The following IRAK1BP1 variants were observed in gnomAD, a reference collection of about 807,000 sequenced individuals.
The protein encoded by IRAK1BP1 is interleukin 1 receptor associated kinase 1 binding protein 1.
In IRAK1BP1, 24 loss-of-function variants were observed where a neutral mutation model predicts 28.0. The ratio of observed to expected loss-of-function variants is 0.86; its 90% CI spans 0.62 to 1.20. IRAK1BP1 has a LOEUF of 1.20. Ranked by LOEUF, IRAK1BP1 falls within the 50% of genes most tolerant of loss-of-function variation. The pLI is 0.00. For synonymous variants in IRAK1BP1, 131 were observed against 116.3 expected (o/e 1.13, Z -0.81); for missense variants, 336 against 316.7 (o/e 1.06, Z -0.46).
chr6:78,951,320 C>T (rs1273748645), downstream of IRAK1BP1, among the ~76,000 whole-genome samples: 1 of 152,120 alleles, frequency 6.6e-6, no homozygotes, highest in African/African-American at 2.4e-5. Flanking sequence ...CTGCTCAATA[C>T]AATTCTGTTG....
intron 1 of IRAK1BP1, among the ~76,000 whole-genome samples, chr6:78,868,321 T>TC (rs1770664107): frequency 6.7e-6 from 1 of 149,470 alleles, no homozygotes; most frequent in African/African-American, 2.6e-5. Flanking sequence ...ACGACCTGCT[T>TC]CCTTCCGATC....
downstream of IRAK1BP1, among the ~76,000 whole-genome samples, chr6:78,903,328 C>CAAAAAAAA (rs199955033): frequency 2.2e-5 from 3 of 136,368 alleles, no homozygotes; most frequent in South Asian, 7.0e-4. Flanking sequence ...ACTAAAAATA[C>CAAAAAAAA]AAAAAAAAAA....
Position 78,897,256 on chromosome 6 carries a change from T to TAAA in IRAK1BP1, c.382-553_382-551dup, listed in dbSNP as rs749859007. 4.9e-3 allele frequency among the ~76,000 whole-genome samples: 541 copies of TAAA among 110,968 alleles called. 7 individuals are homozygous for TAAA. The highest frequency in any genetic ancestry group is 0.018 in the African/African-American group (518 of 28,694). The allele number at this position is 110,968 out of a possible 152,430, so 72.8% of individuals were successfully genotyped here. A position where few individuals can be genotyped will look rare whatever the true frequency, so the allele number is the denominator to read the frequency against. ...CAACGTAGCAAGATCTTGTCTCTCT[T>TAAA]AAAAAAAAAAAAAAAAAAAAAAGAC... On this transcript the variant is annotated intron_variant, in intron 2 of 3. Coordinates refer to ENST00000369940, the MANE Select transcript of IRAK1BP1 (RefSeq NM_001010844.4).
chr6:78,884,343 T>A (rs1771336738), intron 1 of IRAK1BP1, among the ~76,000 whole-genome samples: 1 of 152,030 alleles, frequency 6.6e-6, no homozygotes, highest in Non-Finnish European at 1.5e-5. Flanking sequence ...ACAAAAAAAA[T>A]TACATAAAAT....
intron 2 of IRAK1BP1, among the ~76,000 whole-genome samples, chr6:78,893,678 G>A (rs1771767047): frequency 6.6e-6 from 1 of 152,048 alleles, no homozygotes; most frequent in African/African-American, 2.4e-5. Context: ...GGCCGAGGTG[G>A]GTGGATCACC....
At chr6:78,903,229 T>C, downstream of IRAK1BP1, 1 of 537,270 alleles carries the variant, frequency 1.9e-6, no homozygotes, top group Non-Finnish European at 3.2e-6. Context: ...ACATGTGTAA[T>C]CCCAACACTT....
chr6:78,903,136 G>GA (rs1772163909), downstream of IRAK1BP1: 4 of 1,184,770 alleles, frequency 3.4e-6, no homozygotes, highest in African/African-American at 1.5e-5. Flanking sequence ...ATAAGAGTGA[G>GA]AAAAAGAAGA....
At chr6:78,938,706 T>C (rs1361057567) in intron 4 of IRAK1BP1, 1 of 151,638 alleles carries the variant, frequency 6.6e-6, no homozygotes, top group Non-Finnish European at 1.5e-5. Context: ...AAAAAATAAA[T>C]ATACAAAAAA....
chr6:78,917,279 A>G (rs558286847), intron 4 of IRAK1BP1, among the ~76,000 whole-genome samples: 3 of 151,458 alleles, frequency 2.0e-5, no homozygotes, highest in Non-Finnish European at 4.4e-5. Flanking sequence ...TCAAAATACA[A>G]TGGAAAGCTT....
At chr6:78,940,924 C>G (rs993526839) in intron 4 of IRAK1BP1, 27 of 1,613,822 alleles carry the variant, frequency 1.7e-5, no homozygotes, top group African/African-American at 2.7e-5. Flanking sequence ...GATCATCTAT[C>G]TTTTTTCGGT....
At chr6:78,909,532 G>T (rs1391844468) in intron 4 of IRAK1BP1, among the ~76,000 whole-genome samples, 1 of 152,168 alleles carries the variant, frequency 6.6e-6, no homozygotes, top group Non-Finnish European at 1.5e-5. Context: ...ATTCCAAGCC[G>T]AAAAGCTGGG....
intron 2 of IRAK1BP1, among the ~76,000 whole-genome samples, chr6:78,892,873 GA>G (rs1771713898): frequency 6.6e-6 from 1 of 151,984 alleles, no homozygotes; most frequent in Non-Finnish European, 1.5e-5. Flanking sequence ...TATCCATAAT[GA>G]AACACAGAAA....
chr6:78,952,466 C>A, the IRAK1BP1 span, among the ~76,000 whole-genome samples: 1 of 148,746 alleles, frequency 6.7e-6, no homozygotes, highest in Non-Finnish European at 1.5e-5. Flanking sequence ...AAAAAAAATT[C>A]TTGGCCATTA....
chr6:78,953,464 T>C, the IRAK1BP1 span, among the ~76,000 whole-genome samples: 1 of 152,192 alleles, frequency 6.6e-6, no homozygotes, highest in African/African-American at 2.4e-5. Flanking sequence ...AAAGAATACA[T>C]AGCTGAGCTT....
At chr6:78,935,075 A>C (rs1773219633) in intron 4 of IRAK1BP1, among the ~76,000 whole-genome samples, 1 of 152,122 alleles carries the variant, frequency 6.6e-6, no homozygotes, top group South Asian at 2.1e-4. Flanking sequence ...TGGGTCATAA[A>C]ATTGGTATTA....
chr6:78,890,796 A>T (rs1771624946), intron 2 of IRAK1BP1, among the ~76,000 whole-genome samples: 1 of 152,200 alleles, frequency 6.6e-6, no homozygotes, highest in South Asian at 2.1e-4. Context: ...AAAAACAATG[A>T]AGGAGACGGT....
At chr6:78,884,638 T>C (rs936821775) in intron 1 of IRAK1BP1, among the ~76,000 whole-genome samples, 1 of 152,146 alleles carries the variant, frequency 6.6e-6, no homozygotes, top group East Asian at 1.9e-4. Flanking sequence ...ATCTGCACAA[T>C]GATGCTATAT....
the IRAK1BP1 span, among the ~76,000 whole-genome samples, chr6:78,951,695 T>C: frequency 3.9e-5 from 6 of 152,236 alleles, no homozygotes; most frequent in African/African-American, 1.4e-4. Flanking sequence ...TTGCTAAATA[T>C]TGTTCTCATT....
At chr6:78,922,735 C>T (rs903380614) in intron 4 of IRAK1BP1, among the ~76,000 whole-genome samples, 8 of 152,194 alleles carry the variant, frequency 5.3e-5, no homozygotes, top group Admixed American at 4.6e-4. Flanking sequence ...TCGGCAGAAA[C>T]TCTACAAGCC....
Sources: allele counts gnomAD v4.1 joint callset (sites outside exome capture counted in the v4.1 genomes callset), GRCh38; gene constraint gnomAD v4.1.1; transcripts MANE v1.5; gene names NCBI Gene and HGNC (gene_info 2026-07-23, HGNC 2026-07-21).